The following MED13L variants were observed in gnomAD, a reference collection of about 807,000 sequenced individuals.
MED13L encodes the protein mediator of RNA polymerase II transcription subunit 13-like.
Under a neutral mutation model 220.9 loss-of-function variants are expected in MED13L, and 7 were observed. That is an observed-to-expected ratio of 0.03 (90% CI 0.02 to 0.06). The LOEUF (loss-of-function observed/expected upper bound fraction) is 0.06, where lower values mean the gene tolerates loss of function less well. MED13L is among the 10% of genes least tolerant of loss of function. The pLI is 1.00. For synonymous variants in MED13L, 1,011 were observed against 1,015.2 expected, an observed-to-expected ratio of 1.00 and a Z score of 0.08; for missense variants, 1,965 against 2,760.5, an observed-to-expected ratio of 0.71 and a Z score of 6.46.
At chr12:115,963,682 C>A (rs1302890206) in intron 29 of MED13L, among the ~76,000 whole-genome samples, 163 bp from the exon 30 acceptor site, 1 of 152,004 alleles carries the variant, frequency 6.6e-6, no homozygotes, top group East Asian at 1.9e-4. Flanking sequence ...CCAAGGTAAT[C>A]CCAAATAACT....
At chr12:116,125,184 T>C (rs929817083) in intron 2 of MED13L, among the ~76,000 whole-genome samples, 1 of 152,068 alleles carries the variant, frequency 6.6e-6, no homozygotes, top group African/African-American at 2.4e-5. Context: ...AAAAAATAAT[T>C]ATGTAGCCAG....
chr12:116,139,191 G>A (rs564117581), intron 2 of MED13L, among the ~76,000 whole-genome samples: 1 of 152,300 alleles, frequency 6.6e-6, no homozygotes, highest in East Asian at 1.9e-4. Context: ...CAGAGTATGC[G>A]TCTCAAATCT....
Position 115,988,228 on chromosome 12 carries a change from G to A in MED13L, c.3935-940C>T, listed in dbSNP as rs1009457164. ...AAGGATTCTTAAGACATTTTCAAAC[G>A]TGTCCCTAAATCAGTAAAACACAGG... is the stretch of plus-strand genomic sequence containing the variant. On this transcript the variant is annotated intron_variant, in intron 17 of 30. Transcript: ENST00000281928. 3.3e-5 allele frequency among the ~76,000 whole-genome samples: 5 copies of A among 152,130 alleles called. No individual in the cohort carries two copies. In the East Asian group the frequency reaches 7.7e-4, roughly 23 times the overall value.
chr12:116,049,221 T>C (rs1383948201), intron 4 of MED13L, among the ~76,000 whole-genome samples: 2 of 152,208 alleles, frequency 1.3e-5, no homozygotes, highest in Non-Finnish European at 2.9e-5. Context: ...ACTGTCTCTT[T>C]TGGAAGAGGC....
chr12:116,062,100 A>G (rs1051451576), intron 4 of MED13L, among the ~76,000 whole-genome samples: 1 of 151,228 alleles, frequency 6.6e-6, no homozygotes, highest in Non-Finnish European at 1.5e-5. Context: ...CCTTGAATCA[A>G]TTCTCTTCTA....
At chr12:115,975,767 T>C in intron 23 of MED13L, 29 bp from the exon 24 acceptor site, 1 of 1,588,796 alleles carries the variant, frequency 6.3e-7, no homozygotes. Context: ...TCAATATCAG[T>C]ACAAAGCCAT....
At chr12:116,061,952 G>A (rs1243332171) in intron 4 of MED13L, among the ~76,000 whole-genome samples, 1 of 142,496 alleles carries the variant, frequency 7.0e-6, no homozygotes, top group Non-Finnish European at 1.5e-5. Flanking sequence ...AGCTTGCAGT[G>A]AGCCGAGATC....
chr12:116,223,682 C>G (rs556308791), intron 2 of MED13L, among the ~76,000 whole-genome samples: 62 of 151,602 alleles, frequency 4.1e-4, no homozygotes, highest in African/African-American at 1.5e-3. Context: ...CCAGCCTGGG[C>G]GACAAAAGCA....
At chr12:116,039,903 C>A (rs1233031243) in intron 4 of MED13L, among the ~76,000 whole-genome samples, 2 of 152,028 alleles carry the variant, frequency 1.3e-5, no homozygotes, top group Non-Finnish European at 2.9e-5. Flanking sequence ...TTGGAGATAT[C>A]CCTTACAGAT....
chr12:115,978,546 C>T (rs1402633858), intron 23 of MED13L, among the ~76,000 whole-genome samples: 1 of 152,008 alleles, frequency 6.6e-6, no homozygotes, highest in South Asian at 2.1e-4. Context: ...AAGCTGGTCT[C>T]GAACTCCTGA....
chr12:116,014,345 T>A (rs1879597282), intron 8 of MED13L, among the ~76,000 whole-genome samples: 1 of 152,222 alleles, frequency 6.6e-6, no homozygotes. Flanking sequence ...CAAGACTCAT[T>A]TGTCTACTTT....
At chr12:116,075,605 C>T (rs1304636949) in intron 4 of MED13L, among the ~76,000 whole-genome samples, 1 of 152,206 alleles carries the variant, frequency 6.6e-6, no homozygotes, top group Non-Finnish European at 1.5e-5. Context: ...AGTTCCTTTT[C>T]CTTCCAACTT....
chr12:116,170,743 G>C (rs1369415686), intron 2 of MED13L, among the ~76,000 whole-genome samples: 1 of 151,876 alleles, frequency 6.6e-6, no homozygotes, highest in Non-Finnish European at 1.5e-5. Context: ...TGGGATTACA[G>C]GTGCCCGCCA....
At chr12:116,098,586 T>C (rs970965666) in intron 3 of MED13L, among the ~76,000 whole-genome samples, 9 of 152,042 alleles carry the variant, frequency 5.9e-5, no homozygotes, top group African/African-American at 1.7e-4. Context: ...TAGTGAATGG[T>C]AATAGTTTCT....
In MED13L at chr12:115,991,936, G is replaced by A. The variant is rs369196762; in HGVS notation, c.3018C>T (p.Ser1006=). Residue 1006 remains serine, a synonymous_variant, in exon 17 of 31, where the codon AGC becomes AGT. Transcript: ENST00000281928. The surrounding 1 kb of genome is among the most constrained non-coding windows in gnomAD (Gnocchi z 7.7). ...TGTTCAGATAGTCTGGATCTGCTAG[G>A]CTCCCAACACTAGGCACGTTACTAC... ...DGYNNVPSVG[S]LADPDYLNTP... The A allele has an allele frequency of 7.5e-6, 12 of 1,599,702 alleles. No homozygotes were observed. Among genetic ancestry groups the A allele is most frequent in the East Asian group, 6.7e-5 (3 of 44,824 alleles).
intron 2 of MED13L, among the ~76,000 whole-genome samples, chr12:116,212,682 ATT>A (rs1358606892): frequency 2.0e-5 from 3 of 152,236 alleles, no homozygotes; most frequent in Non-Finnish European, 4.4e-5. Flanking sequence ...TTTAACCTAC[ATT>A]CTGAGTAAAA....
chr12:116,089,149 A>C (rs1871970570), intron 4 of MED13L, among the ~76,000 whole-genome samples: 2 of 152,162 alleles, frequency 1.3e-5, no homozygotes, highest in Non-Finnish European at 1.5e-5. Flanking sequence ...TAAAATATAC[A>C]CTTTCCAGTT....
At chr12:116,232,946 G>A (rs973181458) in intron 2 of MED13L, among the ~76,000 whole-genome samples, 1 of 152,080 alleles carries the variant, frequency 6.6e-6, no homozygotes, top group East Asian at 1.9e-4. Flanking sequence ...AATTGGCCAG[G>A]TGTGGTGGCA....
At chr12:116,172,341 A>G (rs947836565) in intron 2 of MED13L, among the ~76,000 whole-genome samples, 1 of 152,184 alleles carries the variant, frequency 6.6e-6, no homozygotes, top group African/African-American at 2.4e-5. Context: ...AGCTATACTG[A>G]GAAAGGTCAC....
Sources: gnomAD v4.1 joint callset for allele counts (sites outside exome capture counted in the v4.1 genomes callset) on GRCh38, gnomAD v4.1.1 for gene constraint, Gnocchi (gnomAD v3.1) non-coding constraint, MANE v1.5 for transcripts, NCBI Gene and HGNC (gene_info 2026-07-23, HGNC 2026-07-21) for gene names.